Variants in TNKS1BP1 observed in about 807,000 individuals in gnomAD.
The protein encoded by TNKS1BP1 is 182 kDa tankyrase-1-binding protein.
Under a neutral mutation model 141.1 loss-of-function variants are expected in TNKS1BP1, and 48 were observed. That is an observed-to-expected ratio of 0.34 (90% CI 0.27 to 0.43). The LOEUF (loss-of-function observed/expected upper bound fraction) is 0.43, where lower values mean the gene tolerates loss of function less well. Ranked by LOEUF, TNKS1BP1 falls within the 20% of genes least tolerant of loss-of-function variation. The pLI is 1.00. For synonymous variants in TNKS1BP1, 875 were observed against 898.2 expected (o/e 0.97, Z 0.46); for missense variants, 2,149 against 2,226.0 (o/e 0.97, Z 0.70).
At position 57,310,263 on chromosome 11, in the gene TNKS1BP1, C is replaced by T. The variant is rs1855684897; in HGVS notation, c.2448G>A (p.Gly816=). The change falls in exon 6 of 12, where the codon GGG becomes GGA. Residue 816 remains glycine, a synonymous_variant. Coordinates refer to ENST00000358252, the MANE Select transcript of TNKS1BP1 (RefSeq NM_033396.3). Reference sequence around the variant, plus strand: ...CTACCCGGTCCTGGGCTGTGAGCACCCCTGGGGCAGACACTTTACTCTGGT... The same window carrying T: ...CTACCCGGTCCTGGGCTGTGAGCACTCCTGGGGCAGACACTTTACTCTGGT... The part of the protein sequence containing the change: ...SQDQSKVSAP[G]VLTAQDRVVG... The T allele has an allele frequency of 6.2e-7, 1 of 1,614,090 alleles. No homozygotes were observed. The highest frequency in any genetic ancestry group is 1.7e-5 in the Admixed American group (1 of 60,024).
At position 57,308,464 on chromosome 11, in the gene TNKS1BP1, G is replaced by A. The variant is rs141792675; in HGVS notation, c.4247C>T (p.Ser1416Leu). 129 of 1,614,144 alleles carry A rather than the reference G, an allele frequency of 8.0e-5. No homozygotes were observed. Among genetic ancestry groups the A allele is most frequent in the African/African-American group, 1.1e-4 (8 of 75,030 alleles). The change falls in exon 6 of 12, where the codon TCG becomes TTG. Residue 1416 changes from serine to leucine, a missense_variant. By Grantham distance (145) the Ser-to-Leu change is moderately radical. Transcript: ENST00000358252. ...GPETQGEDYS[S>L]SSLEPHPADP... ...TGCAGGGTGTGGCTCCAAGGAAGAC[G>A]AGGAGTAATCTTCACCCTGGGTCTC...
At chr11:57,320,030 C>A (rs1320568106) in intron 3 of TNKS1BP1, 49 bp downstream of exon 3, 1 of 1,553,496 alleles carries the variant, frequency 6.4e-7, no homozygotes, top group Non-Finnish European at 8.8e-7. Flanking sequence ...CAATCCCACC[C>A]CACCTGACCT....
chr11:57,311,504 G>C (rs1183965072), intron 5 of TNKS1BP1: 1 of 983,842 alleles, frequency 1.0e-6, no homozygotes, highest in Non-Finnish European at 1.2e-6. Context: ...GCTCCCTCCG[G>C]AGCAGCTGCA....
intron 5 of TNKS1BP1, among the ~76,000 whole-genome samples, chr11:57,310,913 G>C (rs1267207892): frequency 1.3e-5 from 2 of 152,188 alleles, no homozygotes; most frequent in Non-Finnish European, 2.9e-5. Context: ...CTTCACACAG[G>C]AATGGCAGGC....
At position 57,302,007 on chromosome 11, in the gene TNKS1BP1, C is replaced by G; in HGVS notation, c.4835-64G>C. The G allele has an allele frequency of 1.9e-6, 3 of 1,605,632 alleles. No individual in the cohort carries two copies. ...CACCCAGACTCCCCGAACCCATAAC[C>G]CCTGCAAAAGCTTGGCCTAATGCCC... On this transcript the variant is annotated intron_variant, in intron 8 of 11. Transcript: ENST00000358252. The surrounding 1 kb of genome is among the most constrained non-coding windows in gnomAD (Gnocchi z 5.5).
Position 57,321,903 on chromosome 11 carries a change from C to G in TNKS1BP1, c.-18G>C. Reference sequence around the variant, plus strand: ...ACTTTCATCACATGCGGCAGACCCTCCTTGAGAGCGGGGAGGCAGAGAGGT... The same window carrying G: ...ACTTTCATCACATGCGGCAGACCCTGCTTGAGAGCGGGGAGGCAGAGAGGT... On this transcript the variant is annotated 5_prime_UTR_variant, in exon 2 of 12. Coordinates refer to ENST00000358252, the MANE Select transcript of TNKS1BP1 (RefSeq NM_033396.3). 1 of 1,613,768 alleles carries G rather than the reference C, an allele frequency of 6.2e-7. No homozygotes were observed. Among genetic ancestry groups the G allele is most frequent in the South Asian group, 1.1e-5 (1 of 91,022 alleles).
At chr11:57,319,412 C>T (rs555199191) in intron 3 of TNKS1BP1, among the ~76,000 whole-genome samples, 2 of 152,254 alleles carry the variant, frequency 1.3e-5, no homozygotes, top group East Asian at 3.9e-4. Flanking sequence ...CTAATACTCC[C>T]TTGAACAAAC....
chr11:57,312,964 G>A lies in TNKS1BP1; in HGVS notation c.1724C>T (p.Thr575Ile), dbSNP rs576676841. The A allele has an allele frequency of 3.7e-6, 6 of 1,613,934 alleles. No individual in the cohort carries two copies. In the Admixed American group the frequency reaches 6.7e-5, roughly 18 times the overall value. Residue 575 changes from threonine to isoleucine, a missense_variant, in exon 5 of 12, where the codon ACT (threonine) becomes ATT (isoleucine). Coordinates refer to ENST00000358252, the MANE Select transcript of TNKS1BP1 (RefSeq NM_033396.3). ...CAAAGGTAATCCAGGTGTGCCCTCA[G>A]TTGTAGGCAGGGGCTCAAGGGGAAC... is the stretch of plus-strand genomic sequence containing the variant. ...PAVPLEPLPT[T>I]EGTPGLPLQQ...
intron 6 of TNKS1BP1, among the ~76,000 whole-genome samples, chr11:57,308,013 C>T (rs1392108039): frequency 1.3e-5 from 2 of 152,202 alleles, no homozygotes; most frequent in African/African-American, 4.8e-5. Context: ...CTGCCCTATA[C>T]CTATGAAACC....
rs576702624 is a variant in TNKS1BP1, at chr11:57,308,487, C to A, written c.4224G>T (p.Glu1408Asp). The A allele has an allele frequency of 1.9e-6, 3 of 1,614,210 alleles. No individual in the cohort carries two copies. The South Asian group carries it at 3.3e-5, about 18-fold the overall frequency. The change falls in exon 6 of 12, where the codon GAG becomes GAT. Residue 1408 changes from glutamate to aspartate, a missense_variant. Glu to Asp is a conservative substitution (Grantham distance 45). Transcript: ENST00000358252. ...ACGAGGAGTAATCTTCACCCTGGGT[C>A]TCTGGCCCACTTGTCTCACCAACCC... ...ELGVGETSGP[E>D]TQGEDYSSSS...
chr11:57,308,196 A>T (rs1307350182), intron 6 of TNKS1BP1, among the ~76,000 whole-genome samples, 199 bp downstream of exon 6: 1 of 152,244 alleles, frequency 6.6e-6, no homozygotes, highest in East Asian at 1.9e-4. Context: ...ATCCTTCAAA[A>T]AAGGAACTCA....
Position 57,313,818 on chromosome 11 carries a change from G to T in TNKS1BP1, c.870C>A (p.Leu290=). The change falls in exon 5 of 12, where the codon CTC becomes CTA. Residue 290 remains leucine, a synonymous_variant. Coordinates refer to ENST00000358252, the MANE Select transcript of TNKS1BP1 (RefSeq NM_033396.3). The part of the protein sequence containing the change: ...SENGGPASPG[L]PAEASGSGPG... ...GGCCTGAGCCTGAGGCTTCTGCGGG[G>T]AGGCCTGGGCTGGCAGGGCCTCCAT... The T allele has an allele frequency of 6.4e-7, 1 of 1,559,546 alleles. No homozygotes were observed. Among genetic ancestry groups the T allele is most frequent in the East Asian group, 2.3e-5 (1 of 44,216 alleles).
Position 57,321,855 on chromosome 11 carries a change from C to G in TNKS1BP1, c.31G>C (p.Ala11Pro). The change falls in exon 2 of 12, where the codon GCC (alanine) becomes CCC (proline). Residue 11 changes from alanine to proline, a missense_variant. Ala to Pro is a conservative substitution (Grantham distance 27, BLOSUM62 -1). Coordinates refer to ENST00000358252, the MANE Select transcript of TNKS1BP1 (RefSeq NM_033396.3). Reference sequence around the variant, plus strand: ...TCCCGGGGCAGTGGGGAAGCCATGGCTGAGCTTTCCCTGAGAGTAGACACT... The same window carrying G: ...TCCCGGGGCAGTGGGGAAGCCATGGGTGAGCTTTCCCTGAGAGTAGACACT... MKVSTLRESS[A>P]MASPLPREME... The G allele has an allele frequency of 6.2e-7, 1 of 1,614,130 alleles. No homozygotes were observed. The highest frequency in any genetic ancestry group is 1.1e-5 in the South Asian group (1 of 91,078).
chr11:57,314,810 C>T (rs923346825), intron 4 of TNKS1BP1, among the ~76,000 whole-genome samples: 1 of 152,112 alleles, frequency 6.6e-6, no homozygotes, highest in Non-Finnish European at 1.5e-5. Flanking sequence ...CCCTGGCCGC[C>T]CTCTCCCATG....
At position 57,308,711 on chromosome 11, in the gene TNKS1BP1, G is replaced by T; in HGVS notation, c.4000C>A (p.Leu1334Ile). The change falls in exon 6 of 12, where the codon CTA becomes ATA. Residue 1334 changes from leucine (L) to isoleucine (I), a missense_variant. Transcript: ENST00000358252. ...CDPDSGGSQG[L>I]RGCGVGQMDW... Reference sequence around the variant, plus strand: ...ATCTGCCCCACTCCACATCCCCGTAGCCCCTGAGAACCTCCAGAGTCTGGG... The same window carrying T: ...ATCTGCCCCACTCCACATCCCCGTATCCCCTGAGAACCTCCAGAGTCTGGG... 6.2e-7 allele frequency: 1 copy of T among 1,613,230 alleles called. No individual in the cohort carries two copies.
chr11:57,310,142 T>A lies in TNKS1BP1; in HGVS notation c.2569A>T (p.Ser857Cys), dbSNP rs145151168. The A allele has an allele frequency of 3.2e-5, 51 of 1,614,100 alleles. No homozygotes were observed. In the African/African-American group the frequency reaches 6.4e-4, roughly 20 times the overall value. Reference sequence around the variant, plus strand: ...TGGTCCTGGAGTTCTGCATCCCGGCTGGAGTAAGTGCCCTGGGAATCCCTC... The same window carrying A: ...TGGTCCTGGAGTTCTGCATCCCGGCAGGAGTAAGTGCCCTGGGAATCCCTC... The part of the protein sequence containing the change: ...RKRDSQGTYS[S>C]RDAELQDQEF... Residue 857 changes from serine to cysteine, a missense_variant, in exon 6 of 12, where the codon AGC becomes TGC. By Grantham distance (112) the Ser-to-Cys change is moderately radical (BLOSUM62 -1). Transcript: ENST00000358252.
intron 5 of TNKS1BP1, among the ~76,000 whole-genome samples, chr11:57,312,325 G>A (rs1006753234): frequency 5.9e-5 from 9 of 152,182 alleles, no homozygotes; most frequent in African/African-American, 2.2e-4. Context: ...GCTAGCGATT[G>A]CTGGAGCTGG....
chr11:57,311,365 GC>G (rs1038102943), intron 5 of TNKS1BP1: 3 of 985,580 alleles, frequency 3.0e-6, no homozygotes, highest in African/African-American at 3.5e-5. Flanking sequence ...CTGGGCCATG[GC>G]CCCCCGCCCC....
In TNKS1BP1 at chr11:57,312,963, A is replaced by G; in HGVS notation, c.1725T>C (p.Thr575=). Residue 575 remains threonine (T), a synonymous_variant, in exon 5 of 12, where the codon ACT becomes ACC. Coordinates refer to ENST00000358252, the MANE Select transcript of TNKS1BP1 (RefSeq NM_033396.3). The part of the protein sequence containing the change: ...PAVPLEPLPT[T]EGTPGLPLQQ... ...GCAAAGGTAATCCAGGTGTGCCCTC[A>G]GTTGTAGGCAGGGGCTCAAGGGGAA... is the stretch of plus-strand genomic sequence containing the variant. The G allele has an allele frequency of 6.2e-7, 1 of 1,613,858 alleles. No individual in the cohort carries two copies. The highest frequency in any genetic ancestry group is 8.5e-7 in the Non-Finnish European group (1 of 1,179,994).
Sources: gnomAD v4.1 joint callset for allele counts (sites outside exome capture counted in the v4.1 genomes callset) on GRCh38, gnomAD v4.1.1 for gene constraint, Gnocchi (gnomAD v3.1) non-coding constraint, MANE v1.5 for transcripts, NCBI Gene and HGNC (gene_info 2026-07-23, HGNC 2026-07-21) for gene names.